Variants in OSMR observed in about 807,000 individuals in gnomAD.
OSMR encodes the protein oncostatin M receptor, also known as oncostatin-M-specific receptor subunit beta.
In OSMR, 81 loss-of-function variants were observed where a neutral mutation model predicts 99.9. The ratio of observed to expected loss-of-function variants is 0.81; its 90% CI spans 0.68 to 0.97. The LOEUF (loss-of-function observed/expected upper bound fraction) is 0.97. Ranked by LOEUF, OSMR falls within the 50% of genes least tolerant of loss-of-function variation. OSMR has a pLI of 0.00. For synonymous variants in OSMR, 406 were observed against 410.4 expected (o/e 0.99, Z 0.13); for missense variants, 1,099 against 1,153.4 (o/e 0.95, Z 0.68).
At chr5:38,881,344 C>A in intron 3 of OSMR, 2 of 274,878 alleles carry the variant, frequency 7.3e-6, no homozygotes, top group Non-Finnish European at 1.1e-5. Context: ...CCCGCTTATT[C>A]CACATGAGTC....
At chr5:38,919,391 C>CT (rs770482311) in intron 11 of OSMR, 1 of 1,300,168 alleles carries the variant, frequency 7.7e-7, no homozygotes, top group South Asian at 1.3e-5. Flanking sequence ...TATTTATGAT[C>CT]TTTGTGGCTT....
At chr5:38,920,688 G>A (rs1035938211) in intron 11 of OSMR, among the ~76,000 whole-genome samples, 32 of 152,260 alleles carry the variant, frequency 2.1e-4, no homozygotes, top group African/African-American at 7.2e-4. Context: ...AGGATTGCCA[G>A]GTAAAATACA....
intron 7 of OSMR, among the ~76,000 whole-genome samples, chr5:38,892,976 G>A (rs1249908924): frequency 6.6e-6 from 1 of 152,174 alleles, no homozygotes; most frequent in African/African-American, 2.4e-5. Flanking sequence ...CAAGCCAGGG[G>A]CTCCAGCTCT....
chr5:38,939,051 C>T (rs1747255213), downstream of OSMR: 1 of 233,100 alleles, frequency 4.3e-6, no homozygotes, highest in Non-Finnish European at 8.5e-6. Context: ...ACAAAATTAG[C>T]ACCTCACTCT....
intron 9 of OSMR, among the ~76,000 whole-genome samples, chr5:38,913,083 T>C (rs9632406): frequency 0.054 from 8,225 of 152,152 alleles, 737 homozygotes; most frequent in African/African-American, 0.18. Flanking sequence ...AAGTCAGACC[T>C]AATTAAACTA....
At chr5:38,904,556 C>T in intron 9 of OSMR, 53 bp downstream of exon 9, 1 of 1,610,144 alleles carries the variant, frequency 6.2e-7, no homozygotes. Flanking sequence ...AGGAGTTAGA[C>T]TGGTTTCCTT....
rs374066048 is a variant in OSMR at position 38,924,474 on chromosome 5, C to T, written c.1923C>T (p.Phe641=). Residue 641 remains phenylalanine (F), a synonymous_variant, in exon 14 of 18, where the codon TTC becomes TTT. Transcript: ENST00000274276. ...VLVDTLTSHS[F]TLSWKDYSTE... ...TGGATACATTGACATCCCACTCCTT[C>T]ACTCTGAGTTGGAAAGATTACTCTA... 2.8e-5 allele frequency: 45 copies of T among 1,613,326 alleles called. No individual in the cohort carries two copies. In the African/African-American group the frequency reaches 5.2e-4, roughly 19 times the overall value.
chr5:38,885,819 G>A (rs956495137), intron 6 of OSMR: 4 of 937,558 alleles, frequency 4.3e-6, no homozygotes, highest in Non-Finnish European at 3.8e-6. Context: ...TGCCACCCAC[G>A]GGGAGTCAGT....
chr5:38,850,311 G>A (rs986484798), intron 1 of OSMR, among the ~76,000 whole-genome samples: 5 of 152,162 alleles, frequency 3.3e-5, no homozygotes, highest in African/African-American at 1.2e-4. Flanking sequence ...TATTTGTAAT[G>A]AATATGATTG....
At chr5:38,920,929 G>T (rs911797232) in intron 11 of OSMR, among the ~76,000 whole-genome samples, 1 of 152,156 alleles carries the variant, frequency 6.6e-6, no homozygotes, top group Non-Finnish European at 1.5e-5. Flanking sequence ...CATAAACTGT[G>T]TGCATATCTT....
At chr5:38,914,309 A>G (rs1319136513) in intron 9 of OSMR, among the ~76,000 whole-genome samples, 2 of 152,108 alleles carry the variant, frequency 1.3e-5, no homozygotes, top group Non-Finnish European at 2.9e-5. Context: ...CTGTGCATCT[A>G]TTGCCTTTTC....
chr5:38,945,231 C>G, downstream of OSMR: 2 of 632,930 alleles, frequency 3.2e-6, no homozygotes, highest in East Asian at 5.5e-5. Flanking sequence ...ATGAAAATAA[C>G]TACAGCATGC....
rs1240149210 is a variant in OSMR, at chr5:38,941,061, T to C, written c.75-3140T>C. ...AAATGATGGCCATGCTATTTTTATA[T>C]ACAAATTTGCATATATGTTTAATTC... On this transcript the variant is annotated intron_variant and NMD_transcript_variant, in intron 1 of 2. Coordinates refer to the OSMR transcript ENST00000508882. 2.1e-5 allele frequency: 5 copies of C among 232,790 alleles called. No homozygotes were observed. The East Asian group carries it at 2.4e-4, about 11-fold the overall frequency. 14.4% of individuals were successfully genotyped at this position (232,790 alleles called of 1,614,324 possible). A position where few individuals can be genotyped will look rare whatever the true frequency, so the allele number is the denominator to read the frequency against.
chr5:38,909,836 C>G (rs2112577720), intron 9 of OSMR, among the ~76,000 whole-genome samples: 1 of 152,262 alleles, frequency 6.6e-6, no homozygotes, highest in East Asian at 1.9e-4. Flanking sequence ...GCATAATAAC[C>G]AGCTAACAAG....
intron 16 of OSMR, among the ~76,000 whole-genome samples, 164 bp from the exon 17 acceptor site, chr5:38,932,299 T>G (rs974141962): frequency 2.6e-5 from 4 of 152,204 alleles, no homozygotes; most frequent in African/African-American, 9.6e-5. Flanking sequence ...GTACCATAAT[T>G]ATCTCCATTT....
intron 1 of OSMR, among the ~76,000 whole-genome samples, chr5:38,856,598 G>A (rs968164152): frequency 6.6e-6 from 1 of 152,210 alleles, no homozygotes; most frequent in African/African-American, 2.4e-5. Flanking sequence ...CCTGACATAT[G>A]TGAGAGACAG....
chr5:38,872,050 G>A (rs1186327408), intron 2 of OSMR, among the ~76,000 whole-genome samples: 1 of 152,118 alleles, frequency 6.6e-6, no homozygotes, highest in Non-Finnish European at 1.5e-5. Flanking sequence ...GGAGCCCTAG[G>A]TTCTGGTCTG....
At chr5:38,869,185 G>A (rs1175041777) in intron 2 of OSMR, 68 bp downstream of exon 2, 2 of 1,163,418 alleles carry the variant, frequency 1.7e-6, no homozygotes, top group Non-Finnish European at 2.6e-6. Flanking sequence ...TGATGCTTTG[G>A]GAAAAAGTTA....
rs924689034 is a variant in OSMR, at chr5:38,883,956, G to A, written c.548G>A (p.Gly183Glu). The change falls in exon 5 of 18, where the codon GGG becomes GAG. Residue 183 changes from glycine (G) to glutamate (E), a missense_variant. Coordinates refer to ENST00000274276, the MANE Select transcript of OSMR (RefSeq NM_003999.3). ...AATAATGTATCCTGTTATTTGGAAG[G>A]GAAACAGATTCATGGAGAACAACTT... ...IQNNVSCYLE[G>E]KQIHGEQLDP... 4 of 1,613,838 alleles carry A rather than the reference G, an allele frequency of 2.5e-6. No homozygotes were observed. Among genetic ancestry groups the A allele is most frequent in the African/African-American group, 2.7e-5 (2 of 74,920 alleles).
Sources: gnomAD v4.1 joint callset for allele counts (sites outside exome capture counted in the v4.1 genomes callset) on GRCh38, gnomAD v4.1.1 for gene constraint, MANE v1.5 for transcripts, NCBI Gene and HGNC (gene_info 2026-07-23, HGNC 2026-07-21) for gene names.